RNF13: variants seen among roughly 807,000 people sequenced by gnomAD.
RNF13 encodes ring finger protein 13, also known as E3 ubiquitin-protein ligase RNF13.
Under a neutral mutation model 37.7 loss-of-function variants are expected in RNF13, and 19 were observed. That is an observed-to-expected ratio of 0.50 (90% confidence interval 0.35 to 0.74). The LOEUF is 0.74. Ranked by LOEUF, RNF13 falls within the 30% of genes least tolerant of loss-of-function variation. The pLI is 0.01. For synonymous variants in RNF13, 144 were observed against 157.8 expected (o/e 0.91, Z 0.65); for missense variants, 375 against 453.0 (o/e 0.83, Z 1.56).
chr3:149,906,292 T>C (rs1450740585), intron 6 of RNF13, among the ~76,000 whole-genome samples: 1 of 152,004 alleles, frequency 6.6e-6, no homozygotes, highest in Non-Finnish European at 1.5e-5. Context: ...GCTTTTTTTT[T>C]CACTATTTGT....
At chr3:149,905,978 C>A (rs1467494643) in intron 6 of RNF13, among the ~76,000 whole-genome samples, 1 of 152,214 alleles carries the variant, frequency 6.6e-6, no homozygotes, top group East Asian at 1.9e-4. Flanking sequence ...TTTGCAGTCA[C>A]TTCCTATTCC....
chr3:149,897,608 A>G (rs939368632), intron 5 of RNF13, among the ~76,000 whole-genome samples: 1 of 152,182 alleles, frequency 6.6e-6, no homozygotes, highest in African/African-American at 2.4e-5. Context: ...TGTTGCTTAG[A>G]TTATTTTCTA....
At chr3:149,900,404 A>G (rs1039303959) in intron 5 of RNF13, among the ~76,000 whole-genome samples, 2 of 152,018 alleles carry the variant, frequency 1.3e-5, no homozygotes, top group Non-Finnish European at 2.9e-5. Flanking sequence ...ATATAGTCCT[A>G]TAACAATACC....
chr3:149,818,806 G>A (rs1719730662), intron 1 of RNF13, among the ~76,000 whole-genome samples: 2 of 152,174 alleles, frequency 1.3e-5, no homozygotes, highest in Non-Finnish European at 2.9e-5. Flanking sequence ...AGTTACTTGA[G>A]AGGCTGAGGC....
chr3:149,814,031 A>G (rs1021256338), intron 1 of RNF13: 1 of 152,160 alleles, frequency 6.6e-6, no homozygotes, highest in African/African-American at 2.4e-5. Flanking sequence ...TGTCTGGTAA[A>G]TTCCTCTATT....
At chr3:149,841,057 A>G (rs1249231745) in intron 1 of RNF13, among the ~76,000 whole-genome samples, 1 of 152,176 alleles carries the variant, frequency 6.6e-6, no homozygotes, top group East Asian at 1.9e-4. Flanking sequence ...GGAATCAGAG[A>G]CTTTTTTTGT....
chr3:149,831,658 A>G (rs185077588), intron 1 of RNF13, among the ~76,000 whole-genome samples: 43 of 152,332 alleles, frequency 2.8e-4, no homozygotes, highest in African/African-American at 9.6e-4. Flanking sequence ...TTTTGAGTTA[A>G]TGCTGAAATG....
intron 7 of RNF13, among the ~76,000 whole-genome samples, chr3:149,919,506 A>C (rs1399473604): frequency 2.0e-5 from 3 of 151,858 alleles, no homozygotes; most frequent in Non-Finnish European, 4.4e-5. Flanking sequence ...TAAAGTCTGT[A>C]CTCTTTTGTG....
At chr3:149,814,421 A>G (rs3755620) in intron 1 of RNF13, 137,054 of 152,288 alleles carry the variant, frequency 0.9, 61,779 homozygotes, top group African/African-American at 0.94. Flanking sequence ...CTGGACAGTG[A>G]TAGCAATTAA....
chr3:149,939,761 T>A, intron 8 of RNF13: 1 of 615,044 alleles, frequency 1.6e-6, no homozygotes. Context: ...TTCTGGGGCC[T>A]CAGAGGGCTC....
At chr3:149,945,449 C>T (rs1720674537) in intron 8 of RNF13, among the ~76,000 whole-genome samples, 1 of 152,198 alleles carries the variant, frequency 6.6e-6, no homozygotes, top group Admixed American at 6.5e-5. Flanking sequence ...CCCACCACAG[C>T]TCAAGGAGGC....
chr3:149,920,273 T>C (rs1036821003), intron 7 of RNF13, among the ~76,000 whole-genome samples: 2 of 152,200 alleles, frequency 1.3e-5, no homozygotes, highest in Non-Finnish European at 2.9e-5. Context: ...CCTCACTCTG[T>C]TGTGCAGGCT....
chr3:149,952,042 T>A (rs922090935), intron 8 of RNF13, among the ~76,000 whole-genome samples: 5 of 152,176 alleles, frequency 3.3e-5, no homozygotes, highest in Non-Finnish European at 7.4e-5. Flanking sequence ...CTTCTCCTCT[T>A]CAACTCACTA....
intron 8 of RNF13, chr3:149,939,203 T>C: frequency 1.9e-6 from 1 of 518,712 alleles, no homozygotes; most frequent in Non-Finnish European, 3.7e-6. Context: ...CATTCTGATT[T>C]GACTTCTGTG....
At chr3:149,896,890 T>A (rs1715327603) in intron 5 of RNF13, among the ~76,000 whole-genome samples, 1 of 152,166 alleles carries the variant, frequency 6.6e-6, no homozygotes, top group Admixed American at 6.5e-5. Flanking sequence ...TATTTTAACC[T>A]CCTAGCTAAT....
intron 4 of RNF13, among the ~76,000 whole-genome samples, chr3:149,888,176 TA>T (rs902681385): frequency 5.3e-5 from 8 of 152,226 alleles, no homozygotes; most frequent in African/African-American, 1.9e-4. Flanking sequence ...CTTGTTTTAG[TA>T]ATAAAATTAT....
intron 7 of RNF13, among the ~76,000 whole-genome samples, chr3:149,919,414 T>C (rs1717896901): frequency 6.6e-6 from 1 of 152,164 alleles, no homozygotes; most frequent in Non-Finnish European, 1.5e-5. Flanking sequence ...ACTACCCTTC[T>C]CCATGCCCAG....
At chr3:149,860,983 A>G (rs977948327) in intron 3 of RNF13, among the ~76,000 whole-genome samples, 11 of 152,314 alleles carry the variant, frequency 7.2e-5, no homozygotes, top group African/African-American at 2.6e-4. Context: ...AAGACATACA[A>G]ATGGCCAACG....
intron 7 of RNF13, among the ~76,000 whole-genome samples, chr3:149,919,407 A>G (rs1029396734): frequency 4.0e-5 from 6 of 151,842 alleles, no homozygotes; most frequent in African/African-American, 1.5e-4. Context: ...TCCCCTCACT[A>G]CCCTTCTCCA....
Sources: gnomAD v4.1 joint callset for allele counts (sites outside exome capture counted in the v4.1 genomes callset) on GRCh38, gnomAD v4.1.1 for gene constraint, MANE v1.5 for transcripts, NCBI Gene and HGNC (gene_info 2026-07-23, HGNC 2026-07-21) for gene names.